The following ADSS2 variants were observed in gnomAD, a reference collection of about 807,000 sequenced individuals.
ADSS2 encodes adenylosuccinate synthetase isozyme 2.
A neutral mutation model predicts 60.0 loss-of-function variants in ADSS2; 30 were observed. The ratio of observed to expected loss-of-function variants is 0.50; its 90% CI spans 0.37 to 0.68. The LOEUF (loss-of-function observed/expected upper bound fraction) is 0.68, where lower values mean the gene tolerates loss of function less well. Ranked by LOEUF, ADSS2 falls within the 30% of genes least tolerant of loss-of-function variation. ADSS2 has a pLI of 0.00. For synonymous variants in ADSS2, 187 were observed against 193.1 expected (o/e 0.97, Z 0.26); for missense variants, 373 against 554.8 (o/e 0.67, Z 3.29).
At chr1:244,417,007 A>C (rs1664548979) in intron 10 of ADSS2, among the ~76,000 whole-genome samples, 1 of 152,250 alleles carries the variant, frequency 6.6e-6, no homozygotes, top group Admixed American at 6.5e-5. Context: ...GTTCAGTCTA[A>C]TACAGATATG....
At chr1:244,410,297 A>G (rs1322726829) in intron 12 of ADSS2, among the ~76,000 whole-genome samples, 1 of 152,196 alleles carries the variant, frequency 6.6e-6, no homozygotes, top group Non-Finnish European at 1.5e-5. Context: ...AAGGCAAAAG[A>G]GATTTTACAC....
chr1:244,417,856 T>C, intron 9 of ADSS2, 104 bp from the exon 10 acceptor site: 2 of 1,073,798 alleles, frequency 1.9e-6, no homozygotes, highest in East Asian at 2.6e-5. Flanking sequence ...GAGATAAACA[T>C]CTTTCAGGTA....
rs545644100 is a variant in ADSS2, at chr1:244,417,225, C to A, written c.1070+403G>T. 1.9e-4 allele frequency among the ~76,000 whole-genome samples: 29 copies of A among 152,278 alleles called. No individual in the cohort carries two copies. In the South Asian group the frequency reaches 5.8e-3, roughly 30 times the overall value. ...AGGATGATTAACTTGCTCAGCTACA[C>A]AAGCATAATGCACAGATCTGAGATC... On this transcript the variant is annotated intron_variant, in intron 10 of 12. Coordinates refer to ENST00000366535, the MANE Select transcript of ADSS2 (RefSeq NM_001126.5).
intron 1 of ADSS2, among the ~76,000 whole-genome samples, chr1:244,447,571 T>C (rs191293795): frequency 3.3e-4 from 51 of 152,308 alleles, no homozygotes; most frequent in Admixed American, 1.6e-3. Context: ...CCACATGGTA[T>C]TCAGTCGAAA....
Position 244,437,687 on chromosome 1 carries a change from G to A in ADSS2, c.265C>T (p.Pro89Ser). 1 of 1,593,882 alleles carries A rather than the reference G, an allele frequency of 6.3e-7. No homozygotes were observed. The highest frequency in any genetic ancestry group is 1.1e-5 in the South Asian group (1 of 90,628). Reference sequence around the variant, plus strand: ...TTACCAATGAATGCAGTGACATTTGGATTAATTATTCCACTGGGTAAGAGA... The same window carrying A: ...TTACCAATGAATGCAGTGACATTTGAATTAATTATTCCACTGGGTAAGAGA... ...FHLLPSGIIN[P>S]NVTAFIGNGV... is the part of the protein sequence containing the mutation. Residue 89 changes from proline (P) to serine (S), a missense_variant, in exon 2 of 13, where the codon CCA becomes TCA. Physicochemically the swap from Pro to Ser is moderately conservative, Grantham distance 74 (BLOSUM62 -1). This residue lies in a region of ADSS2 where 139 missense variants were observed against 189.4 expected (regional missense o/e 0.73). Coordinates refer to ENST00000366535, the MANE Select transcript of ADSS2 (RefSeq NM_001126.5).
chr1:244,422,737 G>T, intron 7 of ADSS2, 98 bp downstream of exon 7: 2 of 855,754 alleles, frequency 2.3e-6, no homozygotes, highest in Non-Finnish European at 3.8e-6. Context: ...AATTTCCTTT[G>T]CCAGTTCTTA....
intron 3 of ADSS2, among the ~76,000 whole-genome samples, chr1:244,433,257 C>T (rs1320721232): frequency 6.6e-6 from 1 of 152,138 alleles, no homozygotes; most frequent in Non-Finnish European, 1.5e-5. Context: ...AACACAATCT[C>T]TAAAAGTGTT....
chr1:244,420,224 G>T lies in ADSS2; in HGVS notation c.736C>A (p.Pro246Thr), dbSNP rs770820204. 6.2e-7 allele frequency: 1 copy of T among 1,613,612 alleles called. No homozygotes were observed. Among genetic ancestry groups the T allele is most frequent in the East Asian group, 2.2e-5 (1 of 44,828 alleles). ...GCACCTTCTACCAAGATTTTCTTTGGTGGTCCATGTAGGGCCTCATATAGA... is the reference window on the plus strand; with the variant it reads ...GCACCTTCTACCAAGATTTTCTTTGTTGGTCCATGTAGGGCCTCATATAGA... ...YFLYEALHGP[P>T]KKILVEGANA... Residue 246 changes from proline (P) to threonine (T), a missense_variant, in exon 8 of 13, where the codon CCA (proline) becomes ACA (threonine). Coordinates refer to ENST00000366535, the MANE Select transcript of ADSS2 (RefSeq NM_001126.5).
chr1:244,419,921 G>C (rs925662436), intron 8 of ADSS2, among the ~76,000 whole-genome samples: 2 of 152,204 alleles, frequency 1.3e-5, no homozygotes, highest in African/African-American at 4.8e-5. Context: ...ACAATTTACA[G>C]AACCTCAGAC....
In ADSS2 at chr1:244,440,311, A is replaced by G. The variant is rs150699840; in HGVS notation, c.184-2543T>C. Among the ~76,000 whole-genome samples, 62 of 152,342 alleles carry G rather than the reference A, an allele frequency of 4.1e-4. No individual in the cohort carries two copies. In the East Asian group the frequency reaches 9.3e-3, roughly 23 times the overall value. ...CAAATCATCCCAATTATGAGGTCAC[A>G]AAAATGCTAGAAAAATAGGCCCTGC... is the stretch of plus-strand genomic sequence containing the variant. On this transcript the variant is annotated intron_variant, in intron 1 of 12. Coordinates refer to ENST00000366535, the MANE Select transcript of ADSS2 (RefSeq NM_001126.5).
rs193040331 is a variant in ADSS2, at chr1:244,430,871, C to T, written c.406+1674G>A. 3.4e-3 allele frequency among the ~76,000 whole-genome samples: 512 copies of T among 152,260 alleles called. 4 individuals are homozygous for T. Among genetic ancestry groups the T allele is most frequent in the African/African-American group, 0.012 (485 of 41,550 alleles). On this transcript the variant is annotated intron_variant, in intron 4 of 12. Transcript: ENST00000366535. ...ATGCAGTGGCTCACGCCTGTAATCC[C>T]AGCACTTTGGGCGGCCAAGGTAGGC... is the stretch of plus-strand genomic sequence containing the variant.
At chr1:244,409,774 T>C in intron 12 of ADSS2, 136 bp from the exon 13 acceptor site, 2 of 675,764 alleles carry the variant, frequency 3.0e-6, no homozygotes, top group Middle Eastern at 2.5e-4. Flanking sequence ...CTGTTCTCTA[T>C]TCTGTTAGCA....
intron 1 of ADSS2, among the ~76,000 whole-genome samples, chr1:244,440,133 C>T (rs749929086): frequency 2.0e-5 from 3 of 152,126 alleles, no homozygotes; most frequent in Non-Finnish European, 4.4e-5. Context: ...ACCTGATTTT[C>T]GGTTTTTATG....
chr1:244,427,799 C>T (rs886957926), intron 4 of ADSS2, among the ~76,000 whole-genome samples: 2 of 152,202 alleles, frequency 1.3e-5, no homozygotes, highest in Non-Finnish European at 2.9e-5. Context: ...TGAAGTGTAA[C>T]TAATTAGTAT....
chr1:244,411,254 G>T, intron 12 of ADSS2, 33 bp downstream of exon 12: 3 of 1,548,964 alleles, frequency 1.9e-6, no homozygotes, highest in African/African-American at 1.4e-5. Context: ...AGAGAGAAAA[G>T]AAAAAACTTA....
At chr1:244,429,737 C>T (rs752705875) in intron 4 of ADSS2, among the ~76,000 whole-genome samples, 12 of 152,042 alleles carry the variant, frequency 7.9e-5, no homozygotes, top group East Asian at 1.9e-4. Flanking sequence ...AAAAAATAAG[C>T]CGGGCATGGT....
chr1:244,451,901 CATG>C lies in ADSS2; in HGVS notation c.-87_-85del. ...TGAACTGCTCTGCGGCCGCCAGCCA[CATG>C]CAGAGGAAGAAGGAGCCAGAGGCCG... is the stretch of plus-strand genomic sequence containing the variant. On this transcript the variant is annotated 5_prime_UTR_variant, in exon 1 of 13. It removes an upstream start codon present in the reference 5' UTR. Transcript: ENST00000366535. This position sits in a 1 kb window ranked among gnomAD's most constrained non-coding sequence, Gnocchi z 6.6. The C allele has an allele frequency of 7.4e-7, 1 of 1,358,242 alleles. No individual in the cohort carries two copies. The highest frequency in any genetic ancestry group is 1.5e-5 in the South Asian group (1 of 65,092). 84.1% of individuals were successfully genotyped at this position (1,358,242 alleles called of 1,614,324 possible).
Position 244,451,724 on chromosome 1 carries a change from C to A in ADSS2, c.94G>T (p.Val32Leu), listed in dbSNP as rs1215581401. The A allele has an allele frequency of 6.2e-7, 1 of 1,610,804 alleles. No homozygotes were observed. The highest frequency in any genetic ancestry group is 1.7e-5 in the Admixed American group (1 of 59,736). The change falls in exon 1 of 13, where the codon GTG (valine) becomes TTG (leucine). Residue 32 changes from valine (V) to leucine (L), a missense_variant. Transcript: ENST00000366535. This position sits in a 1 kb window ranked among gnomAD's most constrained non-coding sequence, Gnocchi z 6.6. ...TCGCCCCACTGCGCACCGAGCACCA[C>A]CGTCACCCGGTTTCCTCCGGGCCGC... The part of the protein sequence containing the change: ...RARPGGNRVT[V>L]VLGAQWGDEG...
At chr1:244,447,921 TAAGAA>T (rs1182395414) in intron 1 of ADSS2, among the ~76,000 whole-genome samples, 2 of 152,096 alleles carry the variant, frequency 1.3e-5, no homozygotes, top group Admixed American at 6.5e-5. Context: ...TGCTACAGAA[TAAGAA>T]AAGGAAGAAG....
Sources: gnomAD v4.1 joint callset for allele counts (sites outside exome capture counted in the v4.1 genomes callset) on GRCh38, gnomAD v4.1.1 for gene constraint, gnomAD v4.1.1 regional missense constraint, Gnocchi (gnomAD v3.1) non-coding constraint, MANE v1.5 for transcripts, NCBI Gene and HGNC (gene_info 2026-07-23, HGNC 2026-07-21) for gene names.